The following MTREX variants were observed in gnomAD, a reference collection of about 807,000 sequenced individuals.
The protein encoded by MTREX is exosome RNA helicase MTR4.
Under a neutral mutation model 135.4 loss-of-function variants are expected in MTREX, and 76 were observed. The observed-to-expected ratio is 0.56, with a 90% confidence interval of 0.47 to 0.68. The LOEUF (loss-of-function observed/expected upper bound fraction) is 0.68, where lower values mean the gene tolerates loss of function less well. Among genes scored for constraint, MTREX ranks in the 30% least tolerant of loss-of-function variants. The pLI is 0.00. For missense variants in MTREX, 920 were observed against 1,262.1 expected (o/e 0.73, Z 4.11); for synonymous variants, 404 against 401.6 (o/e 1.01, Z -0.07).
intron 1 of MTREX, among the ~76,000 whole-genome samples, chr5:55,308,842 A>C (rs891274903): frequency 1.3e-5 from 2 of 152,230 alleles, no homozygotes; most frequent in African/African-American, 4.8e-5. Flanking sequence ...TATTAAATAA[A>C]GTAAGATGAT....
intron 25 of MTREX, among the ~76,000 whole-genome samples, chr5:55,419,974 G>A (rs761533617): frequency 3.3e-5 from 5 of 152,110 alleles, no homozygotes; most frequent in East Asian, 1.9e-4. Flanking sequence ...AAGTATTCTT[G>A]CTGATAATAA....
intron 19 of MTREX, among the ~76,000 whole-genome samples, chr5:55,392,152 A>G (rs1444463870): frequency 6.6e-6 from 1 of 152,072 alleles, no homozygotes; most frequent in African/African-American, 2.4e-5. Flanking sequence ...TTAAGTCTAT[A>G]TTTTTTAATT....
intron 18 of MTREX, among the ~76,000 whole-genome samples, chr5:55,380,400 C>T (rs925964605): frequency 3.3e-5 from 5 of 152,182 alleles, no homozygotes; most frequent in African/African-American, 1.2e-4. Context: ...AAACATATGT[C>T]ATTCACCTGT....
At chr5:55,359,948 C>T (rs1749981336) in intron 15 of MTREX, among the ~76,000 whole-genome samples, 1 of 152,116 alleles carries the variant, frequency 6.6e-6, no homozygotes, top group Non-Finnish European at 1.5e-5. Flanking sequence ...ACTTATTGAG[C>T]TATAATTCAC....
chr5:55,387,849 G>A, intron 18 of MTREX, 125 bp from the exon 19 acceptor site: 1 of 758,576 alleles, frequency 1.3e-6, no homozygotes, highest in Admixed American at 3.0e-5. Context: ...AAATAAGTAT[G>A]TATTACACAG....
At chr5:55,385,915 C>G (rs963484937) in intron 18 of MTREX, among the ~76,000 whole-genome samples, 6 of 152,152 alleles carry the variant, frequency 3.9e-5, no homozygotes, top group African/African-American at 1.4e-4. Context: ...TTCTTTTAGG[C>G]AAAGATAGAA....
At chr5:55,329,245 C>T (rs930539457) in intron 5 of MTREX, 1 of 152,744 alleles carries the variant, frequency 6.5e-6, no homozygotes, top group Admixed American at 6.5e-5. Flanking sequence ...TGGCTCACTG[C>T]AGCCTTGACC....
chr5:55,367,378 T>C (rs553019614), intron 16 of MTREX, among the ~76,000 whole-genome samples: 1 of 151,226 alleles, frequency 6.6e-6, no homozygotes, highest in South Asian at 2.1e-4. Context: ...CCCAGCTACT[T>C]GGGAGGCTGA....
intron 15 of MTREX, among the ~76,000 whole-genome samples, chr5:55,365,205 A>G (rs370891929): frequency 1.3e-5 from 2 of 152,294 alleles, no homozygotes; most frequent in Non-Finnish European, 1.5e-5. Flanking sequence ...AAATAACAGG[A>G]AAGTCTGCAA....
At chr5:55,315,554 C>G (rs913443024) in intron 1 of MTREX, among the ~76,000 whole-genome samples, 1 of 151,670 alleles carries the variant, frequency 6.6e-6, no homozygotes, top group Admixed American at 6.6e-5. Flanking sequence ...ACAACAACAA[C>G]AAAAACCCAT....
chr5:55,411,915 AT>A (rs1052857697), intron 23 of MTREX, among the ~76,000 whole-genome samples: 4 of 152,110 alleles, frequency 2.6e-5, no homozygotes, highest in Non-Finnish European at 5.9e-5. Context: ...CCCATGTCAA[AT>A]TTTGTCTTAC....
chr5:55,337,597 T>C (rs1352608070), intron 5 of MTREX, among the ~76,000 whole-genome samples: 1 of 152,208 alleles, frequency 6.6e-6, no homozygotes, highest in Non-Finnish European at 1.5e-5. Flanking sequence ...CATTTCTCTT[T>C]TGGTTCCCTT....
intron 1 of MTREX, among the ~76,000 whole-genome samples, chr5:55,309,783 G>A (rs1417681343): frequency 6.6e-6 from 1 of 152,164 alleles, no homozygotes; most frequent in African/African-American, 2.4e-5. Flanking sequence ...AGAGATCTCT[G>A]TGGGGAAGTA....
At chr5:55,320,308 C>T (rs1749267339) in intron 1 of MTREX, among the ~76,000 whole-genome samples, 1 of 151,454 alleles carries the variant, frequency 6.6e-6, no homozygotes, top group Non-Finnish European at 1.5e-5. Flanking sequence ...GGCTCCACCT[C>T]CCGGGTTCAC....
intron 13 of MTREX, among the ~76,000 whole-genome samples, chr5:55,351,755 ATGATAT>A (rs1396126074): frequency 6.6e-6 from 1 of 152,140 alleles, no homozygotes; most frequent in Non-Finnish European, 1.5e-5. Flanking sequence ...CTTTTTTTAA[ATGATAT>A]TGATATTTAT....
At chr5:55,375,719 T>C (rs1158845152) in intron 16 of MTREX, among the ~76,000 whole-genome samples, 1 of 152,076 alleles carries the variant, frequency 6.6e-6, no homozygotes, top group Non-Finnish European at 1.5e-5. Context: ...AGGGTATTGA[T>C]TGGGGAAGTG....
At position 55,422,956 on chromosome 5, in the gene MTREX, C is replaced by A. The variant is rs746697692; in HGVS notation, c.3050C>A (p.Thr1017Asn). 1 of 1,613,962 alleles carries A rather than the reference C, an allele frequency of 6.2e-7. No individual in the cohort carries two copies. The highest frequency in any genetic ancestry group is 1.1e-5 in the South Asian group (1 of 91,042). ...CAAGCAGCAAAAGCCATTGGAAACA[C>A]TGAGCTGGAAAATAAATTTGCAGAA... ...MCQAAKAIGN[T>N]ELENKFAEGI... The change falls in exon 26 of 27, where the codon ACT becomes AAT. Residue 1017 changes from threonine to asparagine, a missense_variant. Thr to Asn is a moderately conservative substitution (Grantham distance 65). Coordinates refer to ENST00000230640, the MANE Select transcript of MTREX (RefSeq NM_015360.5).
At chr5:55,356,106 C>T (rs1749908099) in intron 14 of MTREX, among the ~76,000 whole-genome samples, 1 of 152,246 alleles carries the variant, frequency 6.6e-6, no homozygotes, top group Non-Finnish European at 1.5e-5. Flanking sequence ...CCTGTGCCAC[C>T]TCTACTCTTG....
intron 19 of MTREX, among the ~76,000 whole-genome samples, chr5:55,390,529 A>G (rs568899982): frequency 4.3e-4 from 65 of 152,298 alleles, no homozygotes; most frequent in African/African-American, 1.5e-3. Flanking sequence ...TCTGAATTAC[A>G]TTGATTAACA....
Sources: gnomAD v4.1 joint callset for allele counts (sites outside exome capture counted in the v4.1 genomes callset) on GRCh38, gnomAD v4.1.1 for gene constraint, MANE v1.5 for transcripts, NCBI Gene and HGNC (gene_info 2026-07-23, HGNC 2026-07-21) for gene names.